CTNNA2: variants seen among roughly 807,000 people sequenced by gnomAD.
CTNNA2 encodes the protein catenin alpha 2, also known as catenin alpha-2.
CTNNA2 carries 42 observed loss-of-function variants against 101.0 expected under a neutral mutation model. The observed-to-expected ratio is 0.42, with a 90% CI of 0.32 to 0.54. The LOEUF (loss-of-function observed/expected upper bound fraction) is 0.54, where lower values mean the gene tolerates loss of function less well. Ranked by LOEUF, CTNNA2 falls within the 20% of genes least tolerant of loss-of-function variation. CTNNA2 has a pLI of 0.14. For synonymous variants in CTNNA2, 450 were observed against 456.4 expected (o/e 0.99, Z 0.18); for missense variants, 871 against 1,223.1 (o/e 0.71, Z 4.29).
chr2:79,494,392 C>T (rs956494107), intron 4 of CTNNA2, among the ~76,000 whole-genome samples: 2 of 151,672 alleles, frequency 1.3e-5, no homozygotes, highest in African/African-American at 2.4e-5. Flanking sequence ...GGAAGACTCA[C>T]GTTTCTGGAT....
At chr2:80,616,608 G>A (rs2149798421) in intron 17 of CTNNA2, 1 of 151,776 alleles carries the variant, frequency 6.6e-6, no homozygotes, top group African/African-American at 2.4e-5. Flanking sequence ...ATGGAGTCTT[G>A]ACTACTGAAA....
chr2:79,861,661 TTTAATA>T (rs1241279105), intron 4 of CTNNA2, among the ~76,000 whole-genome samples: 1 of 152,242 alleles, frequency 6.6e-6, no homozygotes, highest in East Asian at 1.9e-4. Flanking sequence ...TTTGTGGTAC[TTTAATA>T]TTGAGTTCTC....
chr2:80,550,073 C>G (rs1368550473), intron 11 of CTNNA2, among the ~76,000 whole-genome samples: 3 of 152,098 alleles, frequency 2.0e-5, no homozygotes, highest in Non-Finnish European at 4.4e-5. Context: ...ACAGGCAAAC[C>G]TCGAACGTAT....
intron 9 of CTNNA2, among the ~76,000 whole-genome samples, chr2:80,460,448 C>CA (rs1209060442): frequency 6.6e-6 from 1 of 152,074 alleles, no homozygotes; most frequent in Non-Finnish European, 1.5e-5. Context: ...GTAAGATATT[C>CA]AAAAAGAATG....
At chr2:80,422,551 C>A (rs2149411358) in intron 9 of CTNNA2, among the ~76,000 whole-genome samples, 1 of 151,800 alleles carries the variant, frequency 6.6e-6, no homozygotes, top group Admixed American at 6.6e-5. Context: ...CAGTTCTTTC[C>A]CATTAATTAT....
intron 2 of CTNNA2, among the ~76,000 whole-genome samples, chr2:79,303,871 G>A (rs1257753297): frequency 6.6e-6 from 1 of 151,888 alleles, no homozygotes; most frequent in African/African-American, 2.4e-5. Flanking sequence ...ATAAGAGAGA[G>A]AGCGAGAAAG....
chr2:80,303,907 G>A lies in CTNNA2; in HGVS notation c.1057-89304G>A, dbSNP rs932089342. ...CATCATATTTTATTCCGAGGGAGGG[G>A]AAGCGGGGGAGGGGGAGAAAAGGGC... is the stretch of plus-strand genomic sequence containing the variant. On this transcript the variant is annotated intron_variant, in intron 7 of 18. Coordinates refer to ENST00000402739, the MANE Select transcript of CTNNA2 (RefSeq NM_001282597.3). This position sits in a 1 kb window ranked among gnomAD's most constrained non-coding sequence, Gnocchi z 7.7. The A allele has an allele frequency of 1.4e-6, 2 of 1,419,382 alleles. No individual in the cohort carries two copies. Among genetic ancestry groups the A allele is most frequent in the African/African-American group, 2.9e-5 (2 of 69,602 alleles). 87.9% of individuals were successfully genotyped at this position (1,419,382 alleles called of 1,614,324 possible).
intron 7 of CTNNA2, among the ~76,000 whole-genome samples, chr2:80,300,867 T>C (rs548881832): frequency 1.2e-3 from 179 of 151,972 alleles, no homozygotes; most frequent in Non-Finnish European, 2.1e-3. Context: ...CCTCACTCTT[T>C]AGTTCAATAG....
At chr2:80,622,219 A>G (rs562618068) in intron 18 of CTNNA2, among the ~76,000 whole-genome samples, 1 of 152,060 alleles carries the variant, frequency 6.6e-6, no homozygotes, top group Admixed American at 6.6e-5. Flanking sequence ...AATTATAAAG[A>G]TATAATCAGG....
At chr2:80,260,578 C>T (rs889791542) in intron 7 of CTNNA2, among the ~76,000 whole-genome samples, 2 of 151,980 alleles carry the variant, frequency 1.3e-5, no homozygotes, top group South Asian at 2.1e-4. Context: ...TGTTTTTCAA[C>T]GCGAGGCTTT....
At chr2:80,588,097 A>C (rs150789642) in intron 14 of CTNNA2, among the ~76,000 whole-genome samples, 1 of 152,232 alleles carries the variant, frequency 6.6e-6, no homozygotes, top group African/African-American at 2.4e-5. Flanking sequence ...AACTATGTTT[A>C]ATGGGTGTTT....
At chr2:79,981,347 A>T (rs556018238) in intron 7 of CTNNA2, among the ~76,000 whole-genome samples, 28 of 152,278 alleles carry the variant, frequency 1.8e-4, no homozygotes, top group Non-Finnish European at 3.4e-4. Flanking sequence ...TATTACAGTG[A>T]GTCTTCAATT....
At chr2:79,446,126 T>C (rs1283037819) in intron 4 of CTNNA2, among the ~76,000 whole-genome samples, 1 of 152,100 alleles carries the variant, frequency 6.6e-6, no homozygotes, top group Non-Finnish European at 1.5e-5. Context: ...ATATTTGTAT[T>C]TTCTTTTTTC....
At chr2:80,283,003 T>A (rs1284188760) in intron 7 of CTNNA2, among the ~76,000 whole-genome samples, 1 of 152,074 alleles carries the variant, frequency 6.6e-6, no homozygotes, top group East Asian at 1.9e-4. Context: ...CAATTTTTCT[T>A]TAAAAGGGAA....
intron 7 of CTNNA2, among the ~76,000 whole-genome samples, chr2:80,125,794 T>G (rs947473320): frequency 3.9e-5 from 6 of 152,164 alleles, no homozygotes; most frequent in Non-Finnish European, 8.8e-5. Flanking sequence ...GCACCATCCC[T>G]AATCTCTGCA....
At chr2:79,254,588 G>T (rs1316865911) in intron 2 of CTNNA2, among the ~76,000 whole-genome samples, 1 of 152,146 alleles carries the variant, frequency 6.6e-6, no homozygotes. Context: ...ATAGCCTGCA[G>T]AACTGTGAGT....
intron 4 of CTNNA2, among the ~76,000 whole-genome samples, chr2:79,468,910 A>G (rs1421926893): frequency 3.3e-5 from 5 of 152,260 alleles, no homozygotes; most frequent in South Asian, 2.1e-4. Context: ...AGCACTAAAT[A>G]CCCACAAGAG....
At chr2:80,030,709 GGT>G (rs1695233280) in intron 7 of CTNNA2, among the ~76,000 whole-genome samples, 4 of 152,124 alleles carry the variant, frequency 2.6e-5, no homozygotes, top group Admixed American at 2.0e-4. Flanking sequence ...ATAAATTTAA[GGT>G]AGAAAACTGA....
chr2:79,958,676 T>C (rs562810833), intron 7 of CTNNA2, among the ~76,000 whole-genome samples: 1 of 152,318 alleles, frequency 6.6e-6, no homozygotes, highest in Non-Finnish European at 1.5e-5. Context: ...AAAATAAGTC[T>C]ATAAGATAAT....
Sources: allele counts gnomAD v4.1 joint callset (sites outside exome capture counted in the v4.1 genomes callset), GRCh38; gene constraint gnomAD v4.1.1; non-coding constraint Gnocchi (gnomAD v3.1); transcripts MANE v1.5; gene names NCBI Gene and HGNC (gene_info 2026-07-23, HGNC 2026-07-21).